Variants in SMYD3 observed in about 807,000 individuals in gnomAD.
SMYD3 encodes the protein SET and MYND domain containing 3.
A neutral mutation model predicts 57.7 loss-of-function variants in SMYD3; 36 were observed. The ratio of observed to expected loss-of-function variants is 0.62; its 90% confidence interval spans 0.48 to 0.82. SMYD3 has a LOEUF of 0.82. SMYD3 is among the 40% of genes least tolerant of loss of function. The pLI, the probability that SMYD3 is intolerant of heterozygous loss-of-function variation, is 0.00. For synonymous variants in SMYD3, 211 were observed against 195.0 expected (o/e 1.08, Z -0.68); for missense variants, 515 against 538.8 (o/e 0.96, Z 0.44).
At chr1:245,932,557 T>G (rs1283056930) in intron 5 of SMYD3, among the ~76,000 whole-genome samples, 2 of 152,146 alleles carry the variant, frequency 1.3e-5, no homozygotes, top group Non-Finnish European at 2.9e-5. Flanking sequence ...AAGACACTAA[T>G]AAATCTATTT....
chr1:245,777,534 G>T (rs1236862758), intron 10 of SMYD3, among the ~76,000 whole-genome samples: 1 of 152,048 alleles, frequency 6.6e-6, no homozygotes, highest in African/African-American at 2.4e-5. Context: ...CCAACTCTCC[G>T]TATCACCTGG....
chr1:246,403,798 A>G (rs1003575720), intron 1 of SMYD3, among the ~76,000 whole-genome samples: 1 of 152,242 alleles, frequency 6.6e-6, no homozygotes, highest in Admixed American at 6.5e-5. Context: ...AAATTTCATA[A>G]GACTATATTC....
intron 8 of SMYD3, among the ~76,000 whole-genome samples, chr1:245,878,103 C>G (rs997972744): frequency 6.6e-6 from 1 of 152,112 alleles, no homozygotes; most frequent in East Asian, 1.9e-4. Flanking sequence ...GATTTGAAAT[C>G]AGGGGCTCAC....
At chr1:246,038,095 C>T (rs1302288059) in intron 5 of SMYD3, among the ~76,000 whole-genome samples, 1 of 152,174 alleles carries the variant, frequency 6.6e-6, no homozygotes, top group African/African-American at 2.4e-5. Flanking sequence ...GCTGTAGTTC[C>T]CAACCCCAGC....
At chr1:246,354,955 C>T in intron 2 of SMYD3, 76 bp downstream of exon 2, 1 of 1,330,676 alleles carries the variant, frequency 7.5e-7, no homozygotes, top group Non-Finnish European at 1.1e-6. Flanking sequence ...AGACACAGGC[C>T]AACAGGTATA....
intron 5 of SMYD3, among the ~76,000 whole-genome samples, chr1:246,229,857 G>T (rs960282684): frequency 6.6e-6 from 1 of 150,708 alleles, no homozygotes; most frequent in African/African-American, 2.4e-5. Context: ...CATAGCACGT[G>T]CCTTTCAAGC....
rs112429642 is a variant in SMYD3, at chr1:246,150,357, C to T, written c.531+176844G>A. Among the ~76,000 whole-genome samples the T allele has an allele frequency of 1.6e-3, 240 of 152,244 alleles. 1 individual carries two copies. Among genetic ancestry groups the T allele is most frequent in the African/African-American group, 5.3e-3 (222 of 41,536 alleles). ...CACATCAAGTTTAGAAATTAGTACTCGGGTAACTGTGGGAACAAAAATGAC... is the reference window on the plus strand; with the variant it reads ...CACATCAAGTTTAGAAATTAGTACTTGGGTAACTGTGGGAACAAAAATGAC... On this transcript the variant is annotated intron_variant, in intron 5 of 11. Transcript: ENST00000490107.
chr1:246,289,200 G>C (rs1027714465), intron 5 of SMYD3, among the ~76,000 whole-genome samples: 1 of 152,126 alleles, frequency 6.6e-6, no homozygotes, highest in African/African-American at 2.4e-5. Context: ...GAGCTGTGTG[G>C]CCTTCTCATA....
At chr1:245,799,585 C>T (rs1286448186) in intron 10 of SMYD3, among the ~76,000 whole-genome samples, 1 of 152,222 alleles carries the variant, frequency 6.6e-6, no homozygotes. Context: ...TGCAAACAAA[C>T]ATTTTTATGT....
intron 5 of SMYD3, among the ~76,000 whole-genome samples, chr1:246,099,418 T>C (rs2060972798): frequency 2.0e-5 from 3 of 152,148 alleles, no homozygotes; most frequent in Admixed American, 2.0e-4. Context: ...TGACTGACAC[T>C]GAGTCCTAGC....
At chr1:246,504,891 G>A (rs1053414848) in intron 1 of SMYD3, among the ~76,000 whole-genome samples, 24 of 152,204 alleles carry the variant, frequency 1.6e-4, no homozygotes, top group African/African-American at 5.8e-4. Flanking sequence ...TCAAGGACAG[G>A]CATTCAACAG....
At chr1:246,234,694 C>A (rs1386230557) in intron 5 of SMYD3, among the ~76,000 whole-genome samples, 1 of 152,312 alleles carries the variant, frequency 6.6e-6, no homozygotes, top group South Asian at 2.1e-4. Flanking sequence ...TAGAATATTG[C>A]ATTTAACTTG....
At position 245,857,931 on chromosome 1, in the gene SMYD3, A is replaced by G. The variant is rs1336998608; in HGVS notation, c.1076+565T>C. 2.0e-5 allele frequency among the ~76,000 whole-genome samples: 3 copies of G among 152,170 alleles called. No individual in the cohort carries two copies. In the East Asian group the frequency reaches 5.8e-4, roughly 29 times the overall value. On this transcript the variant is annotated intron_variant, in intron 10 of 11. Coordinates refer to ENST00000490107, the MANE Select transcript of SMYD3 (RefSeq NM_001167740.2). ...GAGATCAGTCAAGAAGCAATTACCT[A>G]TAGTTCCTTCACCTGACTCAAGGAG... is the stretch of plus-strand genomic sequence containing the variant.
chr1:245,890,874 T>G (rs1225274060), intron 8 of SMYD3, among the ~76,000 whole-genome samples: 2 of 152,214 alleles, frequency 1.3e-5, no homozygotes, highest in Non-Finnish European at 2.9e-5. Context: ...CACAATGGAG[T>G]ACTAGTCAGC....
intron 6 of SMYD3, 82 bp from the exon 7 acceptor site, chr1:245,928,115 A>G (rs2056499384): frequency 1.8e-6 from 2 of 1,094,354 alleles, no homozygotes; most frequent in Non-Finnish European, 2.7e-6. Flanking sequence ...GGTAAAATAC[A>G]CCTTCCTTTG....
rs115596876 is a variant in SMYD3, at chr1:246,420,984, A to G, written c.165-65890T>C. 4.5e-3 allele frequency among the ~76,000 whole-genome samples: 684 copies of G among 152,340 alleles called. 3 individuals carry two copies. The highest frequency in any genetic ancestry group is 7.2e-3 in the Non-Finnish European group (492 of 68,026). On this transcript the variant is annotated intron_variant, in intron 1 of 11. Transcript: ENST00000490107. ...TGTCAACACATAGCCTTGTAAAAGTATAATATCCTATAAAGAAATAAACTC... is the reference window on the plus strand; with the variant it reads ...TGTCAACACATAGCCTTGTAAAAGTGTAATATCCTATAAAGAAATAAACTC...
chr1:245,751,504 G>A (rs1257910532), intron 11 of SMYD3, among the ~76,000 whole-genome samples: 1 of 150,854 alleles, frequency 6.6e-6, no homozygotes, highest in East Asian at 2.0e-4. Flanking sequence ...GACAGAGGGG[G>A]TCTAGATTTG....
chr1:245,798,010 G>C (rs1011931480), intron 10 of SMYD3, among the ~76,000 whole-genome samples: 1 of 152,096 alleles, frequency 6.6e-6, no homozygotes, highest in Admixed American at 6.5e-5. Context: ...ATAAAGCCTT[G>C]TTCATTTGCT....
At chr1:245,779,137 G>T (rs1558328747) in intron 10 of SMYD3, among the ~76,000 whole-genome samples, 1 of 150,198 alleles carries the variant, frequency 6.7e-6, no homozygotes, top group Non-Finnish European at 1.5e-5. Context: ...TCCAGCTTGG[G>T]TGACAGAGTG....
Sources: gnomAD v4.1 joint callset for allele counts (sites outside exome capture counted in the v4.1 genomes callset) on GRCh38, gnomAD v4.1.1 for gene constraint, MANE v1.5 for transcripts, NCBI Gene and HGNC (gene_info 2026-07-23, HGNC 2026-07-21) for gene names.